The following EXTL3 variants were observed in gnomAD, a reference collection of about 807,000 sequenced individuals.
EXTL3 encodes exostosin like glycosyltransferase 3, also known as exostosin-like 3.
EXTL3 carries 27 observed loss-of-function variants against 69.3 expected under a neutral mutation model. The ratio of observed to expected loss-of-function variants is 0.39; its 90% CI spans 0.29 to 0.54. The LOEUF (loss-of-function observed/expected upper bound fraction) is 0.54. EXTL3 is among the 20% of genes least tolerant of loss of function. The pLI is 0.69. For missense variants in EXTL3, 1,003 were observed against 1,231.8 expected, an observed-to-expected ratio of 0.81 and a Z score of 2.78; for synonymous variants, 511 against 499.4, an observed-to-expected ratio of 1.02 and a Z score of -0.31.
chr8:28,627,191 AAAAAAAAATT>A (rs1237061471), intron 1 of EXTL3, among the ~76,000 whole-genome samples: 2 of 150,928 alleles, frequency 1.3e-5, no homozygotes, highest in African/African-American at 4.9e-5. Context: ...CCATCTCAAA[AAAAAAAAATT>A]AAAAAAAATA....
At chr8:28,756,032 T>C (rs1311821766), downstream of EXTL3, among the ~76,000 whole-genome samples, 2 of 152,222 alleles carry the variant, frequency 1.3e-5, no homozygotes, top group Non-Finnish European at 1.5e-5. Flanking sequence ...ATGCATTTCC[T>C]TCTAAATACA....
intron 1 of EXTL3, among the ~76,000 whole-genome samples, chr8:28,677,871 A>C (rs1197898080): frequency 1.3e-5 from 2 of 152,232 alleles, no homozygotes; most frequent in Non-Finnish European, 2.9e-5. Context: ...CTGGGATCCA[A>C]AGATTAGTAA....
chr8:28,612,650 C>G (rs1253462328), intron 2 of EXTL3, among the ~76,000 whole-genome samples: 1 of 151,922 alleles, frequency 6.6e-6, no homozygotes, highest in Non-Finnish European at 1.5e-5. Context: ...TTATTAAATG[C>G]TTTTTCTGCA....
At chr8:28,631,162 G>A (rs1296308877) in intron 1 of EXTL3, among the ~76,000 whole-genome samples, 2 of 135,442 alleles carry the variant, frequency 1.5e-5, no homozygotes, top group Non-Finnish European at 1.7e-5. Flanking sequence ...TTTTTCTGGA[G>A]CTAAATCAAG....
intron 1 of EXTL3, among the ~76,000 whole-genome samples, chr8:28,672,416 T>G (rs1437119921): frequency 3.1e-4 from 1 of 3,224 alleles, no homozygotes; most frequent in Non-Finnish European, 5.7e-4. Context: ...AGACTCCTTC[T>G]CGGGGTGGGG....
At chr8:28,620,266 C>A (rs938768192), upstream of EXTL3, among the ~76,000 whole-genome samples, 4 of 152,126 alleles carry the variant, frequency 2.6e-5, no homozygotes, top group African/African-American at 4.8e-5. Flanking sequence ...GCTAGGTCCC[C>A]ACCACCTCAG....
At chr8:28,656,207 T>A (rs1292266146) in intron 1 of EXTL3, among the ~76,000 whole-genome samples, 1 of 152,078 alleles carries the variant, frequency 6.6e-6, no homozygotes, top group African/African-American at 2.4e-5. Flanking sequence ...TTCTCTCCCG[T>A]CATCCAGTCT....
chr8:28,731,228 C>T lies in EXTL3; in HGVS notation c.2154C>T (p.Val718=), dbSNP rs745692950. 6.2e-7 allele frequency: 1 copy of T among 1,614,008 alleles called. No individual in the cohort carries two copies. The highest frequency in any genetic ancestry group is 8.5e-7 in the Non-Finnish European group (1 of 1,180,020). ...WPDIGVPIMV[V]RTEKNSLNNR... ...TTTTTCCTTCCTCATCACAGGTGGT[C>T]CGTACTGAGAAGAACAGTTTGAACA... Residue 718 remains valine, a synonymous_variant, in exon 4 of 7, where the codon GTC becomes GTT. Coordinates refer to ENST00000220562, the MANE Select transcript of EXTL3 (RefSeq NM_001440.4).
intron 2 of EXTL3, among the ~76,000 whole-genome samples, chr8:28,612,344 C>T (rs1375909103): frequency 2.0e-5 from 3 of 151,924 alleles, no homozygotes; most frequent in African/African-American, 7.3e-5. Context: ...GTCCCAGCAA[C>T]TTGGGAGGCT....
intron 1 of EXTL3, among the ~76,000 whole-genome samples, 156 bp from the exon 2 acceptor site, chr8:28,713,301 T>C (rs1801069602): frequency 6.6e-6 from 1 of 152,222 alleles, no homozygotes. Context: ...GAGTCTCTGT[T>C]TGGACAGTAA....
At chr8:28,657,437 A>G (rs1425714870) in intron 1 of EXTL3, among the ~76,000 whole-genome samples, 1 of 152,170 alleles carries the variant, frequency 6.6e-6, no homozygotes, top group Non-Finnish European at 1.5e-5. Context: ...GGCCCGACTA[A>G]GTGGGCCCCA....
In EXTL3 at chr8:28,750,835, A is replaced by G. The variant is rs1374565215; in HGVS notation, c.2729A>G (p.His910Arg). ...GTGCTCTTCAAGACACGCCTGCCCC[A>G]TGACAAGACCAAGTGCTTCAAGTTC... is the stretch of plus-strand genomic sequence containing the variant. Reference protein sequence around the residue: ...DSVLFKTRLPHDKTKCFKFI With the variant: ...DSVLFKTRLPRDKTKCFKFI Residue 910 changes from histidine to arginine, a missense_variant, in exon 7 of 7, where the codon CAT becomes CGT. Physicochemically the swap from His to Arg is conservative, Grantham distance 29. Around this residue, in one of 2 missense-constraint regions of EXTL3, gnomAD observed 261 missense variants for 416.4 expected, o/e 0.63. Transcript: ENST00000220562. This position sits in a 1 kb window ranked among gnomAD's most constrained non-coding sequence, Gnocchi z 5.2. 2 of 1,614,044 alleles carry G rather than the reference A, an allele frequency of 1.2e-6. No individual in the cohort carries two copies. Among genetic ancestry groups the G allele is most frequent in the African/African-American group, 1.3e-5 (1 of 74,924 alleles).
rs543599159 is a variant in EXTL3 at position 28,728,192 on chromosome 8, C to T, written c.2149-3031C>T. 8.5e-5 allele frequency among the ~76,000 whole-genome samples: 13 copies of T among 152,312 alleles called. No individual in the cohort carries two copies. The South Asian group carries it at 2.7e-3, about 32-fold the overall frequency. ...AGGCGGACCTTATTTTACATTTTGT[C>T]ATCTCTGAAATTGAGATGTGTCTTA... On this transcript the variant is annotated intron_variant, in intron 3 of 6. Coordinates refer to ENST00000220562, the MANE Select transcript of EXTL3 (RefSeq NM_001440.4).
intron 2 of EXTL3, among the ~76,000 whole-genome samples, chr8:28,613,859 T>TTA (rs1806299770): frequency 6.6e-6 from 1 of 151,898 alleles, no homozygotes; most frequent in African/African-American, 2.4e-5. Flanking sequence ...TTTTTTTTTT[T>TTA]AGAGACAGGG....
intron 1 of EXTL3, among the ~76,000 whole-genome samples, chr8:28,665,666 C>T (rs1295007094): frequency 6.6e-6 from 1 of 152,122 alleles, no homozygotes; most frequent in African/African-American, 2.4e-5. Context: ...TCTCAACCTC[C>T]CAAAGTGCTG....
intron 3 of EXTL3, among the ~76,000 whole-genome samples, chr8:28,724,633 GA>G (rs891649853): frequency 4.8e-5 from 7 of 146,776 alleles, no homozygotes; most frequent in South Asian, 2.2e-4. Flanking sequence ...AAGAAAAAAA[GA>G]AAAAAAAATA....
intron 4 of EXTL3, among the ~76,000 whole-genome samples, chr8:28,733,498 A>G (rs1439386408): frequency 6.6e-6 from 1 of 151,810 alleles, no homozygotes; most frequent in Non-Finnish European, 1.5e-5. Flanking sequence ...TCCTGGGCTC[A>G]AGTGATCCTC....
chr8:28,677,926 T>G (rs1024538228), intron 1 of EXTL3, among the ~76,000 whole-genome samples: 1 of 152,230 alleles, frequency 6.6e-6, no homozygotes, highest in African/African-American at 2.4e-5. Context: ...CTTCTCTCTT[T>G]TGAGTCCTGA....
rs573276392 is a variant in EXTL3 at position 28,741,877 on chromosome 8, T to C, written c.2422-1209T>C. 5.9e-5 allele frequency: 9 copies of C among 152,362 alleles called. No homozygotes were observed. In the South Asian group the frequency reaches 1.9e-3, roughly 32 times the overall value. 9.4% of individuals were successfully genotyped at this position (152,362 alleles called of 1,614,324 possible). A position where few individuals can be genotyped will look rare whatever the true frequency, so the allele number is the denominator to read the frequency against. ...TCTGTGTTACAAAAAAATTTTATCA[T>C]TATTTCACTCAACATATTATATTGT... On this transcript the variant is annotated intron_variant, in intron 5 of 6. Transcript: ENST00000220562.
Sources: gnomAD v4.1 joint callset for allele counts (sites outside exome capture counted in the v4.1 genomes callset) on GRCh38, gnomAD v4.1.1 for gene constraint, gnomAD v4.1.1 regional missense constraint, Gnocchi (gnomAD v3.1) non-coding constraint, MANE v1.5 for transcripts, NCBI Gene and HGNC (gene_info 2026-07-23, HGNC 2026-07-21) for gene names.